COL6A6: variants seen among roughly 807,000 people sequenced by gnomAD.
COL6A6 encodes the protein collagen alpha-6(VI) chain.
Under a neutral mutation model 208.6 loss-of-function variants are expected in COL6A6, and 183 were observed. That is an observed-to-expected ratio of 0.88 (90% CI 0.78 to 0.99). The LOEUF (loss-of-function observed/expected upper bound fraction) is 0.99. Ranked by LOEUF, COL6A6 falls within the 50% of genes least tolerant of loss-of-function variation. The pLI is 0.00. For missense variants in COL6A6, 2,816 were observed against 2,815.2 expected, an observed-to-expected ratio of 1.00 and a Z score of -0.01; for synonymous variants, 973 against 1,011.8, an observed-to-expected ratio of 0.96 and a Z score of 0.73.
In COL6A6 at chr3:130,675,278, TA is replaced by T. The variant is rs1352157731; in HGVS notation, c.6674del (p.Tyr2225PhefsTer5). On this transcript the variant is annotated frameshift_variant, in exon 37 of 37. Transcript: ENST00000358511. LOFTEE classifies it low-confidence loss of function (END_TRUNC). ...GGCAAAATTCTTTCAAGATAAAAAATATCTTTCAAGAGTAGCAAGAAGTGGC... is the reference window on the plus strand; with the variant it reads ...GGCAAAATTCTTTCAAGATAAAAAATTCTTTCAAGAGTAGCAAGAAGTGGC... ...QKAKFFQDKK[Y>X]LSRVARSGRD... The T allele has an allele frequency of 6.3e-7, 1 of 1,586,136 alleles. No homozygotes were observed. The highest frequency in any genetic ancestry group is 1.3e-5 in the African/African-American group (1 of 74,462).
intron 32 of COL6A6, among the ~76,000 whole-genome samples, chr3:130,645,586 T>C (rs2065442965): frequency 6.6e-6 from 1 of 152,124 alleles, no homozygotes; most frequent in Non-Finnish European, 1.5e-5. Context: ...CCAAAAATAG[T>C]ATTTCTTACT....
chr3:130,551,012 C>A (rs2062629214), intron 1 of COL6A6, among the ~76,000 whole-genome samples: 1 of 152,190 alleles, frequency 6.6e-6, no homozygotes, highest in Non-Finnish European at 1.5e-5. Context: ...ATAAAGTCCA[C>A]TTGATCATCA....
intron 1 of COL6A6, among the ~76,000 whole-genome samples, chr3:130,543,578 A>G (rs1559968499): frequency 1.3e-5 from 2 of 152,194 alleles, no homozygotes; most frequent in African/African-American, 2.4e-5. Flanking sequence ...ATCCCAGTCT[A>G]CTTTCAAATA....
rs764741872 is a variant in COL6A6, at chr3:130,621,898, T to A, written c.4878+15T>A. On this transcript the variant is annotated intron_variant, in intron 24 of 36. Coordinates refer to ENST00000358511, the MANE Select transcript of COL6A6 (RefSeq NM_001102608.3). ...AAGGAAATAAAGTAGGTCACATTCT[T>A]TATACTCACCAAAGTTGAGGTTTTC... 5 of 1,608,616 alleles carry A rather than the reference T, an allele frequency of 3.1e-6. No homozygotes were observed. Among genetic ancestry groups the A allele is most frequent in the Non-Finnish European group, 4.3e-6 (5 of 1,175,230 alleles).
chr3:130,600,771 A>T (rs796414442), intron 20 of COL6A6, among the ~76,000 whole-genome samples: 113 of 152,352 alleles, frequency 7.4e-4, no homozygotes, highest in African/African-American at 2.5e-3. Flanking sequence ...TGTGGGGCAT[A>T]AAACCTAGAT....
chr3:130,573,816 GCCTCGGCCT>G, intron 7 of COL6A6, 131 bp from the exon 8 acceptor site: 2 of 602,874 alleles, frequency 3.3e-6, no homozygotes. Flanking sequence ...TGATCTGCCC[GCCTCGGCCT>G]CCCAAAGTGC....
intron 15 of COL6A6, 21 bp downstream of exon 15, chr3:130,592,743 A>G (rs759766363): frequency 6.3e-6 from 10 of 1,593,430 alleles, no homozygotes; most frequent in Non-Finnish European, 8.6e-6. Context: ...AGGCACATCC[A>G]TTTACCTACC....
chr3:130,605,682 T>G (rs1343972430), intron 20 of COL6A6, among the ~76,000 whole-genome samples: 2 of 152,216 alleles, frequency 1.3e-5, no homozygotes, highest in East Asian at 1.9e-4. Flanking sequence ...CTGTTTCTTT[T>G]ATAACAATAG....
chr3:130,529,288 A>T (rs1436292879), intron 1 of COL6A6, among the ~76,000 whole-genome samples: 10 of 83,806 alleles, frequency 1.2e-4, no homozygotes, highest in African/African-American at 3.4e-4. Context: ...CAGGAAATGT[A>T]AAAAAAAAAA....
chr3:130,599,331 G>T lies in COL6A6; in HGVS notation c.4600-426G>T, dbSNP rs111253842. Among the ~76,000 whole-genome samples the T allele has an allele frequency of 3.8e-3, 572 of 152,138 alleles. 1 individual carries two copies. Among genetic ancestry groups the T allele is most frequent in the South Asian group, 0.021 (99 of 4,816 alleles). ...GATCATACAAGTCTTTTTATTATGA[G>T]ACTTTATTTACAGTAAGGTAATAAT... is the stretch of plus-strand genomic sequence containing the variant. On this transcript the variant is annotated intron_variant, in intron 19 of 36. Coordinates refer to ENST00000358511, the MANE Select transcript of COL6A6 (RefSeq NM_001102608.3).
Position 130,589,117 on chromosome 3 carries a change from T to C in COL6A6, c.4153T>C (p.Cys1385Arg). ...LVNVAERTCC[C>R]LFCKCIGGDG... is the part of the protein sequence containing the mutation. ...CAATGTTGCTGAAAGGACATGCTGCTGTTTGTTCTGCAAGTGCATTGGAGG... is the reference window on the plus strand; with the variant it reads ...CAATGTTGCTGAAAGGACATGCTGCCGTTTGTTCTGCAAGTGCATTGGAGG... The change falls in exon 12 of 37, where the codon TGT becomes CGT. Residue 1385 changes from cysteine to arginine, a missense_variant. Cys to Arg is a radical substitution (Grantham distance 180). Coordinates refer to ENST00000358511, the MANE Select transcript of COL6A6 (RefSeq NM_001102608.3). 1 of 1,613,916 alleles carries C rather than the reference T, an allele frequency of 6.2e-7. No homozygotes were observed. Among genetic ancestry groups the C allele is most frequent in the South Asian group, 1.1e-5 (1 of 91,082 alleles).
chr3:130,643,551 T>C (rs2065378599), intron 31 of COL6A6, among the ~76,000 whole-genome samples: 1 of 152,252 alleles, frequency 6.6e-6, no homozygotes, highest in South Asian at 2.1e-4. Context: ...CAATATTTTT[T>C]CTTTCTCAAA....
intron 1 of COL6A6, among the ~76,000 whole-genome samples, chr3:130,520,249 A>AT (rs1291424368): frequency 1.1e-4 from 16 of 152,224 alleles, no homozygotes; most frequent in Non-Finnish European, 1.9e-4. Context: ...AGAGTATTAT[A>AT]TTTAGATTTT....
At chr3:130,519,176 C>T (rs1353642869) in intron 1 of COL6A6, among the ~76,000 whole-genome samples, 1 of 152,044 alleles carries the variant, frequency 6.6e-6, no homozygotes, top group Non-Finnish European at 1.5e-5. Flanking sequence ...CTAATTAAGT[C>T]ACCAAATGAA....
In COL6A6 at chr3:130,581,911, T is replaced by C. The variant is rs774326575; in HGVS notation, c.3891+7T>C. The C allele has an allele frequency of 5.0e-6, 8 of 1,599,224 alleles. No individual in the cohort carries two copies. Among genetic ancestry groups the C allele is most frequent in the Non-Finnish European group, 6.8e-6 (8 of 1,170,006 alleles). On this transcript the variant is annotated splice_region_variant and intron_variant, in intron 9 of 36. Coordinates refer to ENST00000358511, the MANE Select transcript of COL6A6 (RefSeq NM_001102608.3). ...ATCAGCTGCTCGAGGAAAGGTAACA[T>C]GGATTTATCTTATTTGTTGGTCTAT...
intron 13 of COL6A6, 98 bp from the exon 14 acceptor site, chr3:130,592,443 A>C (rs1377383597): frequency 1.2e-6 from 1 of 856,636 alleles, no homozygotes; most frequent in Non-Finnish European, 1.9e-6. Context: ...AACCATGAGC[A>C]TTCACACTTT....
chr3:130,581,119 AT>A (rs1014384713), intron 8 of COL6A6, among the ~76,000 whole-genome samples: 16 of 151,482 alleles, frequency 1.1e-4, no homozygotes, highest in African/African-American at 2.9e-4. Flanking sequence ...TTTGTGATTT[AT>A]TTTTTTCTAG....
chr3:130,666,884 C>T (rs2066087894), intron 36 of COL6A6, among the ~76,000 whole-genome samples: 1 of 151,848 alleles, frequency 6.6e-6, no homozygotes. Context: ...TAGAAAGCAA[C>T]AGTTGGACAT....
intron 1 of COL6A6, among the ~76,000 whole-genome samples, chr3:130,526,751 C>T (rs2061969725): frequency 6.6e-6 from 1 of 152,012 alleles, no homozygotes; most frequent in African/African-American, 2.4e-5. Flanking sequence ...TAACTTTACA[C>T]TTATTCATGT....
Sources: gnomAD v4.1 joint callset for allele counts (sites outside exome capture counted in the v4.1 genomes callset) on GRCh38, gnomAD v4.1.1 for gene constraint, MANE v1.5 for transcripts, NCBI Gene and HGNC (gene_info 2026-07-23, HGNC 2026-07-21) for gene names.